The following CLTCL1 variants were observed in gnomAD, a reference collection of about 807,000 sequenced individuals.
CLTCL1 encodes the protein clathrin heavy chain like 1.
CLTCL1 carries 159 observed loss-of-function variants against 190.0 expected under a neutral mutation model. That is an observed-to-expected ratio of 0.84 (90% confidence interval 0.74 to 0.95). The LOEUF is 0.95. CLTCL1 is among the 40% of genes least tolerant of loss of function. The pLI, the probability that CLTCL1 is intolerant of heterozygous loss-of-function variation, is 0.00. For missense variants in CLTCL1, 1,878 were observed against 2,033.4 expected, an observed-to-expected ratio of 0.92 and a Z score of 1.47; for synonymous variants, 752 against 769.6, an observed-to-expected ratio of 0.98 and a Z score of 0.38.
intron 2 of CLTCL1, among the ~76,000 whole-genome samples, chr22:19,256,871 T>C (rs1299804112): frequency 1.3e-5 from 2 of 152,102 alleles, no homozygotes; most frequent in Non-Finnish European, 2.9e-5. Context: ...GGACAAAGAA[T>C]AGACATAACA....
chr22:19,184,670 C>G (rs2146201081), intron 29 of CLTCL1: 1 of 427,658 alleles, frequency 2.3e-6, no homozygotes, highest in African/African-American at 2.0e-5. Context: ...CCCTTGCTGA[C>G]TTGTCTTCCA....
intron 3 of CLTCL1, among the ~76,000 whole-genome samples, chr22:19,249,241 C>T (rs1555969030): frequency 6.6e-6 from 1 of 152,084 alleles, no homozygotes; most frequent in African/African-American, 2.4e-5. Flanking sequence ...TGCCTATAAT[C>T]CCAGCTACTC....
intron 3 of CLTCL1, chr22:19,249,798 C>T (rs1276795885): frequency 4.3e-6 from 1 of 233,274 alleles, no homozygotes. Flanking sequence ...TTTCCCTTCC[C>T]TTTAATCAGA....
intron 4 of CLTCL1, among the ~76,000 whole-genome samples, 192 bp downstream of exon 4, chr22:19,242,583 G>A (rs782817109): frequency 4.4e-4 from 67 of 152,138 alleles, no homozygotes; most frequent in Non-Finnish European, 1.5e-4. Context: ...GTGAGCCACC[G>A]CGCCCAGCCT....
chr22:19,220,833 A>C (rs944819829), intron 17 of CLTCL1, among the ~76,000 whole-genome samples: 2 of 152,204 alleles, frequency 1.3e-5, no homozygotes, highest in African/African-American at 2.4e-5. Context: ...ACATGTAATT[A>C]TATGTGGATC....
intron 16 of CLTCL1, 119 bp from the exon 17 acceptor site, chr22:19,221,730 G>A: frequency 9.6e-7 from 1 of 1,036,482 alleles, no homozygotes; most frequent in East Asian, 2.6e-5. Flanking sequence ...ATTGACTTCA[G>A]GTTGCTCTAG....
chr22:19,256,314 CA>C (rs1166082825), intron 2 of CLTCL1, among the ~76,000 whole-genome samples: 4 of 150,240 alleles, frequency 2.7e-5, no homozygotes, highest in Admixed American at 1.3e-4. Context: ...TGCACTGCCA[CA>C]CTCAGCTAAT....
chr22:19,188,326 G>A (rs1260649741), intron 27 of CLTCL1, among the ~76,000 whole-genome samples: 1 of 152,226 alleles, frequency 6.6e-6, no homozygotes, highest in African/African-American at 2.4e-5. Context: ...AGACACATGG[G>A]TTTGGGTCCA....
intron 7 of CLTCL1, 82 bp downstream of exon 7, chr22:19,234,427 T>C (rs2086013435): frequency 8.0e-7 from 1 of 1,255,694 alleles, no homozygotes; most frequent in Non-Finnish European, 1.1e-6. Context: ...ATATCACTAG[T>C]GAAATGCTTT....
rs11913489 is a variant in CLTCL1 at position 19,220,199 on chromosome 22, A to G, written c.2797-192T>C. On this transcript the variant is annotated intron_variant, in intron 17 of 32. Transcript: ENST00000427926. ...TTAACGATGGACTCAAACTACCTCAAAATGCCCTTTCCAAGTTTACAACAA... is the reference window on the plus strand; with the variant it reads ...TTAACGATGGACTCAAACTACCTCAGAATGCCCTTTCCAAGTTTACAACAA... Among the ~76,000 whole-genome samples the G allele has an allele frequency of 1.3e-3, 198 of 152,216 alleles. 3 individuals are homozygous for G. Among genetic ancestry groups the G allele is most frequent in the African/African-American group, 4.5e-3 (186 of 41,520 alleles).
intron 3 of CLTCL1, among the ~76,000 whole-genome samples, chr22:19,251,018 C>T (rs2086575161): frequency 6.6e-6 from 1 of 152,134 alleles, no homozygotes; most frequent in Non-Finnish European, 1.5e-5. Flanking sequence ...AAGAAGCTAG[C>T]TGGTATTCCA....
chr22:19,263,922 T>G (rs1272083033), intron 2 of CLTCL1, among the ~76,000 whole-genome samples: 1 of 152,120 alleles, frequency 6.6e-6, no homozygotes, highest in Admixed American at 6.5e-5. Context: ...TATATGGAAA[T>G]CATATATCTG....
At chr22:19,248,881 C>A (rs905180493) in intron 3 of CLTCL1, among the ~76,000 whole-genome samples, 37 of 152,100 alleles carry the variant, frequency 2.4e-4, no homozygotes, top group African/African-American at 8.9e-4. Flanking sequence ...AGGTTCAGTT[C>A]TTACATTTAG....
intron 2 of CLTCL1, among the ~76,000 whole-genome samples, chr22:19,270,822 C>G (rs1233694650): frequency 6.7e-6 from 1 of 150,284 alleles, no homozygotes; most frequent in Admixed American, 6.6e-5. Flanking sequence ...AAAATCTGGA[C>G]CAAAAATTCT....
intron 1 of CLTCL1, among the ~76,000 whole-genome samples, chr22:19,286,945 G>A (rs1385857602): frequency 3.3e-5 from 5 of 152,132 alleles, no homozygotes; most frequent in South Asian, 2.1e-4. Flanking sequence ...TTCAAACACC[G>A]CCTCAGAGAC....
intron 3 of CLTCL1, 99 bp from the exon 4 acceptor site, chr22:19,243,035 G>C: frequency 8.8e-7 from 1 of 1,135,164 alleles, no homozygotes; most frequent in Non-Finnish European, 1.2e-6. Context: ...TCATACATTA[G>C]AGGTATACTT....
intron 24 of CLTCL1, 78 bp from the exon 25 acceptor site, chr22:19,196,734 G>A (rs1399390763): frequency 7.5e-6 from 11 of 1,470,228 alleles, no homozygotes; most frequent in East Asian, 2.4e-5. Flanking sequence ...TGCCCACGCC[G>A]CAGGGACTGT....
chr22:19,213,936 T>C (rs1387012738), intron 19 of CLTCL1, among the ~76,000 whole-genome samples: 2 of 152,192 alleles, frequency 1.3e-5, no homozygotes, highest in Non-Finnish European at 2.9e-5. Flanking sequence ...TTTTACTGTA[T>C]GGTGGTTTTA....
intron 2 of CLTCL1, among the ~76,000 whole-genome samples, chr22:19,272,443 AT>A (rs1289550881): frequency 1.3e-5 from 2 of 151,328 alleles, no homozygotes; most frequent in African/African-American, 2.4e-5. Flanking sequence ...GTCCCTTTTA[AT>A]TTTTTTTTGA....
Sources: allele counts gnomAD v4.1 joint callset (sites outside exome capture counted in the v4.1 genomes callset), GRCh38; gene constraint gnomAD v4.1.1; transcripts MANE v1.5; gene names NCBI Gene and HGNC (gene_info 2026-07-23, HGNC 2026-07-21).